The following LRRC58 variants were observed in gnomAD, a reference collection of about 807,000 sequenced individuals.
The protein encoded by LRRC58 is leucine rich repeat containing 58, also known as leucine-rich repeat-containing protein 58.
In LRRC58, 18 loss-of-function variants were observed where a neutral mutation model predicts 30.6. The observed-to-expected ratio is 0.59, with a 90% CI of 0.41 to 0.87. The LOEUF is 0.87. Ranked by LOEUF, LRRC58 falls within the 40% of genes least tolerant of loss-of-function variation. The pLI is 0.00. For synonymous variants in LRRC58, 221 were observed against 206.0 expected, an observed-to-expected ratio of 1.07 and a Z score of -0.62; for missense variants, 420 against 468.4, an observed-to-expected ratio of 0.90 and a Z score of 0.95.
chr3:120,335,790 T>C, intron 2 of LRRC58, 35 bp downstream of exon 2: 1 of 1,561,056 alleles, frequency 6.4e-7, no homozygotes, highest in East Asian at 2.3e-5. Context: ...TAAGCATAGA[T>C]GTCTGCGTAT....
At position 120,326,511 on chromosome 3, in the gene LRRC58, T is replaced by C. The variant is rs533232320; in HGVS notation, c.*4689A>G. 28 of 152,304 alleles carry C rather than the reference T, an allele frequency of 1.8e-4. No homozygotes were observed. The highest frequency in any genetic ancestry group is 6.5e-4 in the African/African-American group (27 of 41,572). 9.4% of individuals were successfully genotyped at this position (152,304 alleles called of 1,614,324 possible). ...AAATTCATTAATGTTATACAGGGCA[T>C]AGCACTTAATATGGAAACTGGGACA... On this transcript the variant is annotated 3_prime_UTR_variant, in exon 4 of 4. Transcript: ENST00000295628.
intron 1 of LRRC58, among the ~76,000 whole-genome samples, chr3:120,338,318 G>C (rs972847540): frequency 2.0e-5 from 3 of 152,092 alleles, no homozygotes; most frequent in Non-Finnish European, 4.4e-5. Context: ...TTTAAAAATG[G>C]AATAATATTA....
At chr3:120,331,557 T>C in intron 3 of LRRC58, 149 bp from the exon 4 acceptor site, 1 of 670,748 alleles carries the variant, frequency 1.5e-6, no homozygotes, top group East Asian at 2.7e-5. Flanking sequence ...TATAGCTGTC[T>C]ATAAGCCTAC....
At chr3:120,344,912 T>C (rs1935948640) in intron 1 of LRRC58, among the ~76,000 whole-genome samples, 1 of 152,168 alleles carries the variant, frequency 6.6e-6, no homozygotes, top group South Asian at 2.1e-4. Context: ...AAAAAAAATT[T>C]TGCCCATATA....
At chr3:120,340,377 T>C (rs1407784555) in intron 1 of LRRC58, among the ~76,000 whole-genome samples, 1 of 152,172 alleles carries the variant, frequency 6.6e-6, no homozygotes, top group Admixed American at 6.5e-5. Context: ...AATTGGGGTT[T>C]TCATAATTGT....
Position 120,325,185 on chromosome 3 carries a change from C to T in LRRC58, c.*6015G>A, listed in dbSNP as rs1367492667. 6.6e-6 allele frequency: 1 copy of T among 152,176 alleles called. No homozygotes were observed. The allele number at this position is 152,176 out of a possible 1,614,324, so 9.4% of individuals were successfully genotyped here. On this transcript the variant is annotated 3_prime_UTR_variant, in exon 4 of 4. Transcript: ENST00000295628. ...TTAATATTCTTTCTCAATATCACAA[C>T]AATGTTAACAATTTAAGTTAGTGAA...
At chr3:120,340,395 A>G (rs1482000340) in intron 1 of LRRC58, among the ~76,000 whole-genome samples, 1 of 152,176 alleles carries the variant, frequency 6.6e-6, no homozygotes, top group Non-Finnish European at 1.5e-5. Context: ...TGTCAGTTTT[A>G]AAACTCCCTA....
chr3:120,324,688 A>C lies in LRRC58; in HGVS notation c.*6512T>G, dbSNP rs1216222457. 1 of 152,184 alleles carries C rather than the reference A, an allele frequency of 6.6e-6. No homozygotes were observed. The highest frequency in any genetic ancestry group is 1.5e-5 in the Non-Finnish European group (1 of 68,008). The allele number at this position is 152,184 out of a possible 1,614,324, so 9.4% of individuals were successfully genotyped here. A position where few individuals can be genotyped will look rare whatever the true frequency, so the allele number is the denominator to read the frequency against. On this transcript the variant is annotated 3_prime_UTR_variant, in exon 4 of 4. Transcript: ENST00000295628. ...GATTGGTTAATATAAGATCTTTTGT[A>C]CGTCCTGGGGGAGGGGGAAGAAGGT... is the stretch of plus-strand genomic sequence containing the variant.
At position 120,331,416 on chromosome 3, in the gene LRRC58, G is replaced by C; in HGVS notation, c.908-8C>G. On this transcript the variant is annotated splice_region_variant and splice_polypyrimidine_tract_variant and intron_variant, in intron 3 of 3. Transcript: ENST00000295628. The stretch of plus-strand genomic sequence containing the variant: ...AGCAGTCAAAGTAGACTCCTAAAGA[G>C]AAGAAGGAATAGAAAGTAATCATTA... 1 of 1,603,186 alleles carries C rather than the reference G, an allele frequency of 6.2e-7. No homozygotes were observed.
rs1448629587 is a variant in LRRC58 at position 120,348,886 on chromosome 3, G to A, written c.358C>T (p.Arg120Cys). Residue 120 changes from arginine (R) to cysteine (C), a missense_variant, in exon 1 of 4, where the codon CGC becomes TGC. This residue lies in a region of LRRC58 where 266 missense variants were observed against 251.7 expected (regional missense o/e 1.06). Coordinates refer to ENST00000295628, the MANE Select transcript of LRRC58 (RefSeq NM_001099678.2). ...CTGAGGTTGAGCACCTGGAGGCTGC[G>A]GCAGAGCGGCGACTGGGCCAGGCCC... ...PKGLAQSPLC[R>C]SLQVLNLSGN... 8 of 1,587,002 alleles carry A rather than the reference G, an allele frequency of 5.0e-6. No individual in the cohort carries two copies. In the Admixed American group the frequency reaches 1.3e-4, roughly 25 times the overall value.
chr3:120,348,187 G>C (rs116021753), intron 1 of LRRC58, among the ~76,000 whole-genome samples: 177 of 152,284 alleles, frequency 1.2e-3, no homozygotes, highest in African/African-American at 4.1e-3. Context: ...CGTGTACAGA[G>C]GCACTGCATC....
At position 120,325,433 on chromosome 3, in the gene LRRC58, C is replaced by T. The variant is rs1195213648; in HGVS notation, c.*5767G>A. ...TTGTGGTATGACAGTATATAAATAA[C>T]CTTCATTAAACTAATACACTTTAAT... On this transcript the variant is annotated 3_prime_UTR_variant, in exon 4 of 4. Transcript: ENST00000295628. 6.6e-6 allele frequency: 1 copy of T among 152,118 alleles called. No homozygotes were observed. Among genetic ancestry groups the T allele is most frequent in the Non-Finnish European group, 1.5e-5 (1 of 68,022 alleles). The allele number at this position is 152,118 out of a possible 1,614,324, so 9.4% of individuals were successfully genotyped here.
chr3:120,348,358 T>C (rs1177320914), intron 1 of LRRC58, among the ~76,000 whole-genome samples: 1 of 152,176 alleles, frequency 6.6e-6, no homozygotes, highest in Non-Finnish European at 1.5e-5. Context: ...GAGCACCTTG[T>C]ACGCCACGCT....
rs1935701203 is a variant in LRRC58 at position 120,327,716 on chromosome 3, G to C, written c.*3484C>G. The C allele has an allele frequency of 6.6e-6, 1 of 152,026 alleles. No individual in the cohort carries two copies. Among genetic ancestry groups the C allele is most frequent in the South Asian group, 2.1e-4 (1 of 4,822 alleles). The allele number at this position is 152,026 out of a possible 1,614,324, so 9.4% of individuals were successfully genotyped here. ...AAACACAAAAACTGCTCAAATTTGA[G>C]GTACAATTTACAATGCAAATTTTTT... On this transcript the variant is annotated 3_prime_UTR_variant, in exon 4 of 4. Transcript: ENST00000295628.
At position 120,330,988 on chromosome 3, in the gene LRRC58, C is replaced by G. The variant is rs1262549996; in HGVS notation, c.*212G>C. On this transcript the variant is annotated 3_prime_UTR_variant, in exon 4 of 4. Coordinates refer to ENST00000295628, the MANE Select transcript of LRRC58 (RefSeq NM_001099678.2). ...AACCATCAGCCAAATGTGAAACTAT[C>G]ATTCACAAATTATGTTAAAATAATC... 5.0e-5 allele frequency: 27 copies of G among 543,924 alleles called. No individual in the cohort carries two copies. Among genetic ancestry groups the G allele is most frequent in the Middle Eastern group, 5.0e-4 (1 of 1,998 alleles). The allele number at this position is 543,924 out of a possible 1,614,324, so 33.7% of individuals were successfully genotyped here.
intron 1 of LRRC58, among the ~76,000 whole-genome samples, chr3:120,336,605 C>T (rs538809376): frequency 1.6e-4 from 25 of 152,144 alleles, no homozygotes; most frequent in African/African-American, 4.3e-4. Context: ...ATTTCTTCTT[C>T]GCTCTTATTA....
At chr3:120,347,642 T>C (rs915964129) in intron 1 of LRRC58, among the ~76,000 whole-genome samples, 6 of 150,932 alleles carry the variant, frequency 4.0e-5, no homozygotes, top group Non-Finnish European at 5.9e-5. Flanking sequence ...CCACCTGCCT[T>C]GGCCTCCCAA....
At chr3:120,335,777 T>A (rs774829617) in intron 2 of LRRC58, 48 bp downstream of exon 2, 10 of 1,447,644 alleles carry the variant, frequency 6.9e-6, no homozygotes, top group Non-Finnish European at 7.5e-6. Context: ...AGACAATAAT[T>A]ACTAAGCATA....
chr3:120,347,629 G>C (rs1461369166), intron 1 of LRRC58, among the ~76,000 whole-genome samples: 1 of 150,658 alleles, frequency 6.6e-6, no homozygotes, highest in Non-Finnish European at 1.5e-5. Context: ...CTGACCTCAT[G>C]ATCCACCTGC....
Sources: gnomAD v4.1 joint callset for allele counts (sites outside exome capture counted in the v4.1 genomes callset) on GRCh38, gnomAD v4.1.1 for gene constraint, gnomAD v4.1.1 regional missense constraint, MANE v1.5 for transcripts, NCBI Gene and HGNC (gene_info 2026-07-23, HGNC 2026-07-21) for gene names.